The following TBC1D16 variants were observed in gnomAD, a reference collection of about 807,000 sequenced individuals.
TBC1D16 encodes TBC1 domain family member 16.
In TBC1D16, 58 loss-of-function variants were observed where a neutral mutation model predicts 74.7. That is an observed-to-expected ratio of 0.78 (90% CI 0.63 to 0.97). The LOEUF (loss-of-function observed/expected upper bound fraction) is 0.97. TBC1D16 is among the 50% of genes least tolerant of loss of function. TBC1D16 has a pLI of 0.00. For missense variants in TBC1D16, 1,014 were observed against 1,079.5 expected (o/e 0.94, Z 0.85); for synonymous variants, 493 against 474.7 (o/e 1.04, Z -0.50).
intron 3 of TBC1D16, among the ~76,000 whole-genome samples, chr17:79,978,526 A>G (rs1171003793): frequency 2.6e-5 from 4 of 152,208 alleles, no homozygotes; most frequent in Non-Finnish European, 5.9e-5. Flanking sequence ...CAGGCCTTTG[A>G]GTGCTGTTTC....
Position 80,025,561 on chromosome 17 carries a change from G to GCCTGCCTGCTGGGAGCA in TBC1D16, c.-63+10233_-63+10234insTGCTCCCAGCAGGCAGG, listed in dbSNP as rs1320730547. ...GCAGTCCTGGCACCTGGGCTTCGGG[G>GCCTGCCTGCTGGGAGCA]CCCGCCTGCTGGGAGCAGCCGCCTG... On this transcript the variant is annotated intron_variant, in intron 1 of 11. Coordinates refer to ENST00000310924, the MANE Select transcript of TBC1D16 (RefSeq NM_019020.4). Among the ~76,000 whole-genome samples the GCCTGCCTGCTGGGAGCA allele has an allele frequency of 2.9e-3, 369 of 127,100 alleles. 27 individuals carry two copies. The South Asian group carries it at 0.055, about 19-fold the overall frequency. The allele number at this position is 127,100 out of a possible 152,430, so 83.4% of individuals were successfully genotyped here.
rs1047287216 is a variant in TBC1D16 at position 79,980,180 on chromosome 17, C to T, written c.780-27362G>A. Among the ~76,000 whole-genome samples the T allele has an allele frequency of 6.6e-5, 10 of 152,170 alleles. No individual in the cohort carries two copies. The highest frequency in any genetic ancestry group is 1.5e-4 in the Non-Finnish European group (10 of 68,036). On this transcript the variant is annotated intron_variant, in intron 3 of 11. Coordinates refer to ENST00000310924, the MANE Select transcript of TBC1D16 (RefSeq NM_019020.4). This position sits in a 1 kb window ranked among gnomAD's most constrained non-coding sequence, Gnocchi z 7.0. ...TGGTGGCTTCCCAACTTTTCCGTGA[C>T]GTTCCCCTAGGCAATTTAAAAATGG...
intron 10 of TBC1D16, among the ~76,000 whole-genome samples, chr17:79,943,068 C>A (rs1405238966): frequency 6.6e-6 from 1 of 152,238 alleles, no homozygotes; most frequent in Non-Finnish European, 1.5e-5. Context: ...AGTCTCCTGA[C>A]GTCGACCACA....
At chr17:80,027,518 G>A (rs2036618649) in intron 1 of TBC1D16, among the ~76,000 whole-genome samples, 1 of 152,066 alleles carries the variant, frequency 6.6e-6, no homozygotes, top group Non-Finnish European at 1.5e-5. Context: ...AGGATCGCTC[G>A]ACCCTGGGAG....
At chr17:79,943,665 T>C (rs962086064) in intron 10 of TBC1D16, among the ~76,000 whole-genome samples, 9 of 150,950 alleles carry the variant, frequency 6.0e-5, no homozygotes, top group Non-Finnish European at 1.0e-4. Context: ...ACTTGCTTTG[T>C]GGACTTCCAA....
intron 3 of TBC1D16, among the ~76,000 whole-genome samples, chr17:79,992,533 T>C (rs1028625886): frequency 6.6e-6 from 1 of 152,172 alleles, no homozygotes; most frequent in Admixed American, 6.5e-5. Context: ...TGTTTAAATA[T>C]TTACAGAAGC....
chr17:80,025,646 G>A (rs1443481852), intron 1 of TBC1D16, among the ~76,000 whole-genome samples: 2 of 132,702 alleles, frequency 1.5e-5, no homozygotes. Flanking sequence ...CCCCACCCAG[G>A]AGCACCCTCC....
At position 79,943,809 on chromosome 17, in the gene TBC1D16, C is replaced by T. The variant is rs796173197; in HGVS notation, c.1908+1099G>A. 1.8e-5 allele frequency: 24 copies of T among 1,308,756 alleles called. No homozygotes were observed. The Admixed American group carries it at 3.0e-4, about 17-fold the overall frequency. The allele number at this position is 1,308,756 out of a possible 1,614,324, so 81.1% of individuals were successfully genotyped here. ...TCTGCCGGGCCACGCGCTGAGTTCA[C>T]GGGTAACATCAGCCTGAACGTAAAG... On this transcript the variant is annotated intron_variant, in intron 10 of 11. Coordinates refer to ENST00000310924, the MANE Select transcript of TBC1D16 (RefSeq NM_019020.4).
intron 3 of TBC1D16, among the ~76,000 whole-genome samples, chr17:79,955,018 C>T (rs903488563): frequency 1.3e-5 from 2 of 152,278 alleles, no homozygotes; most frequent in South Asian, 2.1e-4. Flanking sequence ...GGGCCGGAGC[C>T]GATTTCAAAC....
In TBC1D16 at chr17:79,950,215, T is replaced by TG. The variant is rs2032933402; in HGVS notation, c.1257+195_1257+196insC. ...TCGAGGGAGGTGTTGTGTTTTGTTTTTTTTTTTCAACGCAGCAGCTTTGAT... is the reference window on the plus strand; with the variant it reads ...TCGAGGGAGGTGTTGTGTTTTGTTTTGTTTTTTTCAACGCAGCAGCTTTGAT... On this transcript the variant is annotated intron_variant, in intron 6 of 11. Coordinates refer to ENST00000310924, the MANE Select transcript of TBC1D16 (RefSeq NM_019020.4). The surrounding 1 kb of genome is among the most constrained non-coding windows in gnomAD (Gnocchi z 4.6). 6.6e-6 allele frequency among the ~76,000 whole-genome samples: 1 copy of TG among 152,086 alleles called. No homozygotes were observed. Among genetic ancestry groups the TG allele is most frequent in the Non-Finnish European group, 1.5e-5 (1 of 67,984 alleles).
At chr17:79,998,337 G>T (rs11656478) in intron 3 of TBC1D16, among the ~76,000 whole-genome samples, 53,977 of 146,952 alleles carry the variant, frequency 0.37, 10,580 homozygotes, top group African/African-American at 0.51. Flanking sequence ...GGTGTTTTTT[G>T]TTTTTTTTGA....
rs562908186 is a variant in TBC1D16, at chr17:80,012,288, T to C, written c.181+1079A>G. Among the ~76,000 whole-genome samples, 47 of 152,130 alleles carry C rather than the reference T, an allele frequency of 3.1e-4. No individual in the cohort carries two copies. The South Asian group carries it at 8.7e-3, about 28-fold the overall frequency. On this transcript the variant is annotated intron_variant, in intron 2 of 11. Coordinates refer to ENST00000310924, the MANE Select transcript of TBC1D16 (RefSeq NM_019020.4). ...AGGGTCCGAGGTGGCTACTCCCTGG[T>C]CTCTCTCTCTAGAACACCCTCAGGC...
rs1406090100 is a variant in TBC1D16 at position 79,980,309 on chromosome 17, C to T, written c.780-27491G>A. ...GGCTTGCAGCCCAAATTCCCCTTCT[C>T]TCTTGGCTTCACGGCACGGGCTTCT... On this transcript the variant is annotated intron_variant, in intron 3 of 11. Coordinates refer to ENST00000310924, the MANE Select transcript of TBC1D16 (RefSeq NM_019020.4). This position sits in a 1 kb window ranked among gnomAD's most constrained non-coding sequence, Gnocchi z 7.0. Among the ~76,000 whole-genome samples the T allele has an allele frequency of 2.0e-5, 3 of 152,238 alleles. No homozygotes were observed. Among genetic ancestry groups the T allele is most frequent in the Non-Finnish European group, 4.4e-5 (3 of 68,042 alleles).
At chr17:80,030,366 G>A (rs1158318220) in intron 1 of TBC1D16, among the ~76,000 whole-genome samples, 1 of 152,112 alleles carries the variant, frequency 6.6e-6, no homozygotes, top group East Asian at 1.9e-4. Context: ...AGCACGCCTG[G>A]GCCCCGACGT....
intron 3 of TBC1D16, among the ~76,000 whole-genome samples, chr17:79,973,967 T>C (rs1050395439): frequency 3.3e-5 from 5 of 152,226 alleles, no homozygotes; most frequent in African/African-American, 1.2e-4. Context: ...CCTTATTCAG[T>C]TGAGAACTTC....
At chr17:79,964,174 C>T (rs1020167806) in intron 3 of TBC1D16, among the ~76,000 whole-genome samples, 3 of 152,086 alleles carry the variant, frequency 2.0e-5, no homozygotes, top group African/African-American at 7.2e-5. Context: ...CGGGGTTTCA[C>T]CATGTTGGCC....
intron 3 of TBC1D16, 63 bp from the exon 4 acceptor site, chr17:79,952,881 A>AT: frequency 6.5e-7 from 1 of 1,541,214 alleles, no homozygotes; most frequent in Non-Finnish European, 8.8e-7. Context: ...CCAGAGGGGG[A>AT]CGGGGGTCAT....
At chr17:79,964,368 C>T (rs1249845128) in intron 3 of TBC1D16, among the ~76,000 whole-genome samples, 1 of 152,150 alleles carries the variant, frequency 6.6e-6, no homozygotes, top group South Asian at 2.1e-4. Context: ...AAATATTTTC[C>T]CGCATTCTGT....
intron 3 of TBC1D16, among the ~76,000 whole-genome samples, chr17:79,953,699 TC>T (rs2033190944): frequency 6.6e-6 from 1 of 152,232 alleles, no homozygotes; most frequent in Non-Finnish European, 1.5e-5. Flanking sequence ...TTGCAAAATA[TC>T]TTATTATATG....
Sources: gnomAD v4.1 joint callset for allele counts (sites outside exome capture counted in the v4.1 genomes callset) on GRCh38, gnomAD v4.1.1 for gene constraint, Gnocchi (gnomAD v3.1) non-coding constraint, MANE v1.5 for transcripts, NCBI Gene and HGNC (gene_info 2026-07-23, HGNC 2026-07-21) for gene names.